YIPF1: variants seen among roughly 807,000 people sequenced by gnomAD.
YIPF1 encodes the protein Yip1 domain family member 1, also known as protein YIPF1.
In YIPF1, 22 loss-of-function variants were observed where a neutral mutation model predicts 37.0. The observed-to-expected ratio is 0.59, with a 90% CI of 0.42 to 0.85. The LOEUF (loss-of-function observed/expected upper bound fraction) is 0.85. Among genes scored for constraint, YIPF1 ranks in the 40% least tolerant of loss-of-function variants. YIPF1 has a pLI of 0.00. For synonymous variants in YIPF1, 128 were observed against 131.9 expected, an observed-to-expected ratio of 0.97 and a Z score of 0.21; for missense variants, 355 against 373.1, an observed-to-expected ratio of 0.95 and a Z score of 0.40.
intron 9 of YIPF1, among the ~76,000 whole-genome samples, chr1:53,860,573 C>T (rs1649843961): frequency 6.6e-6 from 1 of 152,194 alleles, no homozygotes; most frequent in Admixed American, 6.5e-5. Flanking sequence ...AGTCTTTCCT[C>T]CAGGGCAAAG....
At chr1:53,859,996 T>C (rs1000274752) in intron 10 of YIPF1, 60 bp downstream of exon 10, 38 of 1,552,288 alleles carry the variant, frequency 2.4e-5, no homozygotes, top group East Asian at 9.0e-5. Flanking sequence ...ACTAACAGAA[T>C]TGATACACCT....
intron 9 of YIPF1, 40 bp downstream of exon 9, chr1:53,866,160 A>C: frequency 6.3e-7 from 1 of 1,597,506 alleles, no homozygotes; most frequent in East Asian, 2.2e-5. Flanking sequence ...TAGCATTTGG[A>C]TATAAAACAC....
At chr1:53,872,513 C>T (rs1008608793) in intron 6 of YIPF1, among the ~76,000 whole-genome samples, 4 of 152,118 alleles carry the variant, frequency 2.6e-5, no homozygotes, top group Non-Finnish European at 5.9e-5. Flanking sequence ...TGCATGATTT[C>T]GTGAACACTA....
At chr1:53,883,937 T>A (rs1214843021) in intron 3 of YIPF1, among the ~76,000 whole-genome samples, 1 of 152,038 alleles carries the variant, frequency 6.6e-6, no homozygotes, top group Non-Finnish European at 1.5e-5. Flanking sequence ...TGCTGGAGGC[T>A]GAGACAGGAG....
intron 4 of YIPF1, 107 bp downstream of exon 4, chr1:53,883,006 T>G (rs1417380874): frequency 7.6e-7 from 1 of 1,307,738 alleles, no homozygotes; most frequent in African/African-American, 1.5e-5. Flanking sequence ...CATTTACCTC[T>G]GAGCTGTCAT....
At chr1:53,872,085 C>A (rs1257061067) in intron 6 of YIPF1, among the ~76,000 whole-genome samples, 1 of 149,890 alleles carries the variant, frequency 6.7e-6, no homozygotes, top group African/African-American at 2.5e-5. Flanking sequence ...GCACTATATA[C>A]ACCTACTGTC....
At chr1:53,869,392 C>T (rs558154786) in intron 7 of YIPF1, among the ~76,000 whole-genome samples, 42 of 152,072 alleles carry the variant, frequency 2.8e-4, no homozygotes, top group Non-Finnish European at 5.3e-4. Context: ...GTACAAACCA[C>T]TATTCTAAGC....
chr1:53,873,833 TATTA>T (rs1047237050), intron 6 of YIPF1, among the ~76,000 whole-genome samples: 65 of 152,086 alleles, frequency 4.3e-4, no homozygotes, highest in African/African-American at 1.5e-3. Context: ...TTCACTAAAA[TATTA>T]ATTAACTTTT....
At chr1:53,866,496 T>A in intron 8 of YIPF1, 114 bp from the exon 9 acceptor site, 1 of 1,195,390 alleles carries the variant, frequency 8.4e-7, no homozygotes, top group Non-Finnish European at 1.2e-6. Flanking sequence ...CCATTGCCAC[T>A]CTGGTTTTTC....
Position 53,866,270 on chromosome 1 carries a change from T to G in YIPF1, c.761A>C (p.Asn254Thr), listed in dbSNP as rs1326144696. ...MTFWPAVRED[N>T]RRVALATIVT... ...AATTGTGGCCAATGCAACGCGTCGG[T>G]TATCCTCACGAACAGCTGGCCAAAA... The change falls in exon 9 of 11, where the codon AAC becomes ACC. Residue 254 changes from asparagine to threonine, a missense_variant. Transcript: ENST00000072644. 1 of 1,614,102 alleles carries G rather than the reference T, an allele frequency of 6.2e-7. No homozygotes were observed. Among genetic ancestry groups the G allele is most frequent in the Admixed American group, 1.7e-5 (1 of 60,012 alleles).
At chr1:53,878,460 T>C (rs924846770) in intron 5 of YIPF1, 58 bp from the exon 6 acceptor site, 1 of 1,566,322 alleles carries the variant, frequency 6.4e-7, no homozygotes, top group Non-Finnish European at 8.7e-7. Context: ...TAAATTCAAC[T>C]ACTACAAAAT....
At chr1:53,879,225 G>A (rs968520484) in intron 4 of YIPF1, among the ~76,000 whole-genome samples, 3 of 151,894 alleles carry the variant, frequency 2.0e-5, no homozygotes, top group African/African-American at 7.3e-5. Context: ...TTCCCAAGCA[G>A]CTGGGACTAC....
intron 10 of YIPF1, among the ~76,000 whole-genome samples, chr1:53,858,086 C>T (rs999612670): frequency 3.3e-5 from 5 of 152,050 alleles, no homozygotes; most frequent in Admixed American, 6.6e-5. Flanking sequence ...TGTCCTCTCT[C>T]GGTCTCAGCT....
At chr1:53,872,248 T>A (rs1650212944) in intron 6 of YIPF1, among the ~76,000 whole-genome samples, 1 of 152,154 alleles carries the variant, frequency 6.6e-6, no homozygotes, top group African/African-American at 2.4e-5. Flanking sequence ...CTCACCAAAG[T>A]AAGCAGTTTC....
intron 4 of YIPF1, 181 bp downstream of exon 4, chr1:53,882,932 A>G (rs1301007969): frequency 1.8e-6 from 1 of 566,222 alleles, no homozygotes; most frequent in East Asian, 3.5e-5. Context: ...CCCCTCCACA[A>G]GTGTACTTAC....
At chr1:53,873,876 G>A (rs1196104321) in intron 6 of YIPF1, among the ~76,000 whole-genome samples, 6 of 152,074 alleles carry the variant, frequency 3.9e-5, no homozygotes, top group Admixed American at 2.6e-4. Flanking sequence ...GGGAAGATAT[G>A]TATACTAATG....
intron 9 of YIPF1, among the ~76,000 whole-genome samples, chr1:53,864,341 C>A (rs1189809933): frequency 6.6e-6 from 1 of 152,182 alleles, no homozygotes; most frequent in Admixed American, 6.5e-5. Flanking sequence ...ATTCCAAGTG[C>A]CAGAAATTAA....
intron 7 of YIPF1, among the ~76,000 whole-genome samples, chr1:53,870,817 G>T (rs1318477218): frequency 6.6e-6 from 1 of 151,814 alleles, no homozygotes; most frequent in Admixed American, 6.6e-5. Flanking sequence ...TTTGAGATCA[G>T]CCTGGGCAAC....
rs774630490 is a variant in YIPF1, at chr1:53,883,293, C to T, written c.32-17G>A. 19 of 1,527,872 alleles carry T rather than the reference C, an allele frequency of 1.2e-5. No homozygotes were observed. The East Asian group carries it at 4.3e-4, about 35-fold the overall frequency. 94.6% of individuals were successfully genotyped at this position (1,527,872 alleles called of 1,614,324 possible). Reference sequence around the variant, plus strand: ...TGCCAAATTCTGAAATCAATTAGAGCACACGGGCCTCAGAAACCTTACCCA... The same window carrying T: ...TGCCAAATTCTGAAATCAATTAGAGTACACGGGCCTCAGAAACCTTACCCA... On this transcript the variant is annotated splice_polypyrimidine_tract_variant and intron_variant, in intron 3 of 10. Coordinates refer to ENST00000072644, the MANE Select transcript of YIPF1 (RefSeq NM_018982.5).
Sources: allele counts gnomAD v4.1 joint callset (sites outside exome capture counted in the v4.1 genomes callset), GRCh38; gene constraint gnomAD v4.1.1; transcripts MANE v1.5; gene names NCBI Gene and HGNC (gene_info 2026-07-23, HGNC 2026-07-21).